NAA11: variants seen among roughly 807,000 people sequenced by gnomAD.
The protein encoded by NAA11 is N-alpha-acetyltransferase 11.
In NAA11, 15 loss-of-function variants were observed where a neutral mutation model predicts 16.1. That is an observed-to-expected ratio of 0.93 (90% CI 0.62 to 1.44). The LOEUF (loss-of-function observed/expected upper bound fraction) is 1.44. Ranked by LOEUF, NAA11 falls within the 40% of genes most tolerant of loss-of-function variation. The probability of loss-of-function intolerance (pLI) is 0.00; values close to 1 mark genes in which losing one functional copy is unlikely to be tolerated. For missense variants in NAA11, 298 were observed against 291.3 expected (o/e 1.02, Z -0.17); for synonymous variants, 122 against 112.4 (o/e 1.09, Z -0.54).
the NAA11 span, among the ~76,000 whole-genome samples, chr4:79,188,401 C>T: frequency 4.6e-5 from 7 of 151,990 alleles, no homozygotes; most frequent in East Asian, 1.9e-4. Context: ...CTGGCTAACG[C>T]GGTGAAACCC....
chr4:79,254,318 C>T (rs1392500432), intron 2 of NAA11, among the ~76,000 whole-genome samples: 1 of 152,236 alleles, frequency 6.6e-6, no homozygotes, highest in African/African-American at 2.4e-5. Context: ...GGTTTCCTCA[C>T]TTCCTGTTGC....
chr4:79,227,299 CA>C lies in NAA11; in HGVS notation c.*123-1030del, dbSNP rs376848521. 26 of 152,054 alleles carry C rather than the reference CA, an allele frequency of 1.7e-4. No homozygotes were observed. The East Asian group carries it at 3.1e-3, about 18-fold the overall frequency. 9.4% of individuals were successfully genotyped at this position (152,054 alleles called of 1,614,324 possible). On this transcript the variant is annotated intron_variant and NMD_transcript_variant, in intron 2 of 2. Transcript: ENST00000511542. ...TAATATCCAGAATCTACAAAGAACT[CA>C]AACAAATTTACAAGCACAAAACGAA...
chr4:79,159,706 A>G, the NAA11 span, among the ~76,000 whole-genome samples: 1 of 152,078 alleles, frequency 6.6e-6, no homozygotes, highest in Non-Finnish European at 1.5e-5. Context: ...GTCACTCCCC[A>G]TTATCCTTCC....
At chr4:79,175,892 A>G in the NAA11 span, among the ~76,000 whole-genome samples, 1 of 152,158 alleles carries the variant, frequency 6.6e-6, no homozygotes, top group Non-Finnish European at 1.5e-5. Flanking sequence ...AACTACATCT[A>G]AGGCTAGTGC....
chr4:79,191,469 A>G, the NAA11 span, among the ~76,000 whole-genome samples: 2 of 151,942 alleles, frequency 1.3e-5, no homozygotes, highest in African/African-American at 4.8e-5. Context: ...TGTTGGCTGC[A>G]TGTATGTATT....
chr4:79,269,148 G>A (rs1722422642), intron 2 of NAA11, among the ~76,000 whole-genome samples: 1 of 142,348 alleles, frequency 7.0e-6, no homozygotes, highest in African/African-American at 2.7e-5. Flanking sequence ...TGTGAATAAT[G>A]CCGCAATAAA....
intron 1 of NAA11, among the ~76,000 whole-genome samples, chr4:79,320,307 A>G (rs938907332): frequency 5.3e-5 from 8 of 152,202 alleles, no homozygotes; most frequent in African/African-American, 1.9e-4. Context: ...CATACACAAC[A>G]TTCTATCATT....
At chr4:79,189,638 A>G in the NAA11 span, among the ~76,000 whole-genome samples, 1 of 152,150 alleles carries the variant, frequency 6.6e-6, no homozygotes, top group African/African-American at 2.4e-5. Context: ...TGCACACTGT[A>G]TCCTCTTACT....
At chr4:79,272,394 A>G (rs1037476813) in intron 2 of NAA11, among the ~76,000 whole-genome samples, 1 of 152,080 alleles carries the variant, frequency 6.6e-6, no homozygotes, top group African/African-American at 2.4e-5. Context: ...TATTTAGACC[A>G]GAAAAACTAA....
At chr4:79,274,587 C>T (rs1408042213) in intron 2 of NAA11, among the ~76,000 whole-genome samples, 1 of 152,058 alleles carries the variant, frequency 6.6e-6, no homozygotes, top group Non-Finnish European at 1.5e-5. Context: ...CCTATGTGAC[C>T]TTGGTCAAGT....
chr4:79,309,999 G>A (rs560064801), intron 1 of NAA11, among the ~76,000 whole-genome samples: 21 of 152,268 alleles, frequency 1.4e-4, no homozygotes, highest in Non-Finnish European at 2.5e-4. Context: ...ACAGGCGTGA[G>A]CCACCGCACC....
intron 2 of NAA11, among the ~76,000 whole-genome samples, chr4:79,264,988 T>C (rs552689309): frequency 2.0e-5 from 3 of 152,208 alleles, no homozygotes; most frequent in Non-Finnish European, 2.9e-5. Flanking sequence ...GAATATCAAA[T>C]TGGCATTTCT....
downstream of NAA11, among the ~76,000 whole-genome samples, chr4:79,220,830 T>C (rs1721174139): frequency 6.6e-6 from 1 of 152,160 alleles, no homozygotes; most frequent in Non-Finnish European, 1.5e-5. Flanking sequence ...TTTGTTCTTT[T>C]GGCGTAGGAT....
chr4:79,325,064 C>T, intron 1 of NAA11, 112 bp downstream of exon 1: 1 of 960,920 alleles, frequency 1.0e-6, no homozygotes, highest in African/African-American at 1.7e-5. Context: ...GTGGTTTTTA[C>T]CGTAAAATCT....
At chr4:79,191,244 C>T in the NAA11 span, among the ~76,000 whole-genome samples, 11 of 152,068 alleles carry the variant, frequency 7.2e-5, no homozygotes, top group Admixed American at 1.3e-4. Flanking sequence ...TGAGGAATTG[C>T]CACAGTGTTT....
At chr4:79,242,450 C>G (rs1411143711) in intron 2 of NAA11, among the ~76,000 whole-genome samples, 1 of 152,222 alleles carries the variant, frequency 6.6e-6, no homozygotes, top group Non-Finnish European at 1.5e-5. Flanking sequence ...TGGGGAAACC[C>G]AGTGAACTTC....
chr4:79,255,794 A>G (rs561349239), intron 2 of NAA11, among the ~76,000 whole-genome samples: 48 of 152,350 alleles, frequency 3.2e-4, no homozygotes, highest in South Asian at 6.2e-4. Context: ...CCTGCAGAGC[A>G]GGGCTACCCT....
At chr4:79,247,916 C>T (rs1401694516) in intron 2 of NAA11, among the ~76,000 whole-genome samples, 1 of 152,140 alleles carries the variant, frequency 6.6e-6, no homozygotes, top group Non-Finnish European at 1.5e-5. Flanking sequence ...CTCCAGCTGG[C>T]ACAGATCCCA....
chr4:79,185,739 T>G, the NAA11 span, among the ~76,000 whole-genome samples: 1 of 152,172 alleles, frequency 6.6e-6, no homozygotes, highest in African/African-American at 2.4e-5. Context: ...GAATTAGCTT[T>G]GAGTTATTCC....
Sources: gnomAD v4.1 joint callset for allele counts (sites outside exome capture counted in the v4.1 genomes callset) on GRCh38, gnomAD v4.1.1 for gene constraint, MANE v1.5 for transcripts, NCBI Gene and HGNC (gene_info 2026-07-23, HGNC 2026-07-21) for gene names.